The following SCAPER variants were observed in gnomAD, a reference collection of about 807,000 sequenced individuals.
SCAPER encodes the protein S phase cyclin A-associated protein in the endoplasmic reticulum.
SCAPER carries 98 observed loss-of-function variants against 182.2 expected under a neutral mutation model. That is an observed-to-expected ratio of 0.54 (90% CI 0.46 to 0.64). The LOEUF (loss-of-function observed/expected upper bound fraction) is 0.64, where lower values mean the gene tolerates loss of function less well. SCAPER is among the 30% of genes least tolerant of loss of function. SCAPER has a pLI of 0.00. For synonymous variants in SCAPER, 605 were observed against 564.6 expected (o/e 1.07, Z -1.01); for missense variants, 1,432 against 1,690.0 (o/e 0.85, Z 2.68).
chr15:76,803,323 C>T lies in SCAPER; in HGVS notation c.494+1210G>A, dbSNP rs76485912. On this transcript the variant is annotated intron_variant, in intron 6 of 31. Coordinates refer to ENST00000563290, the MANE Select transcript of SCAPER (RefSeq NM_020843.4). Reference sequence around the variant, plus strand: ...ATTACTCTTTTCTCTTTGTCTAACTCCTACTTAACAATTCTGTCTCAATTT... The same window carrying T: ...ATTACTCTTTTCTCTTTGTCTAACTTCTACTTAACAATTCTGTCTCAATTT... 3.6e-3 allele frequency among the ~76,000 whole-genome samples: 552 copies of T among 152,278 alleles called. 6 individuals carry two copies. The highest frequency in any genetic ancestry group is 0.013 in the African/African-American group (533 of 41,552).
At chr15:76,786,003 T>C (rs975250441) in intron 8 of SCAPER, among the ~76,000 whole-genome samples, 14 of 152,092 alleles carry the variant, frequency 9.2e-5, no homozygotes, top group African/African-American at 3.1e-4. Context: ...TGTGCACATG[T>C]ACCCTAGAAC....
chr15:76,434,179 A>T lies in SCAPER; in HGVS notation c.3210T>A (p.Asp1070Glu). 1 of 1,613,990 alleles carries T rather than the reference A, an allele frequency of 6.2e-7. No individual in the cohort carries two copies. Among genetic ancestry groups the T allele is most frequent in the Non-Finnish European group, 8.5e-7 (1 of 1,179,880 alleles). ...VLGCLIANRP[D>E]GNCQPATPKI... ...TTGGGGTAGCTGGCTGGCAGTTTCC[A>T]TCTGGTCGATTGGCAATCAGGCAGC... The change falls in exon 26 of 32, where the codon GAT becomes GAA. Residue 1070 changes from aspartate to glutamate, a missense_variant. Asp to Glu is a conservative substitution (Grantham distance 45). Transcript: ENST00000563290.
rs1029712087 is a variant in SCAPER, at chr15:76,462,785, T to C, written c.3078+8427A>G. Among the ~76,000 whole-genome samples the C allele has an allele frequency of 1.8e-4, 28 of 152,190 alleles. 1 individual carries two copies. Among genetic ancestry groups the C allele is most frequent in the African/African-American group, 6.8e-4 (28 of 41,438 alleles). ...TCTTTTACCAGCTGAATTCTGAATG[T>C]AGCTTTGAGAGTAAAGCTCTATACA... On this transcript the variant is annotated intron_variant, in intron 25 of 31. Transcript: ENST00000563290.
At chr15:76,471,102 T>TC in intron 25 of SCAPER, 110 bp downstream of exon 25, 1 of 771,198 alleles carries the variant, frequency 1.3e-6, no homozygotes, top group Non-Finnish European at 1.7e-6. Context: ...CTTCTTCTTT[T>TC]TTTTTTTTTT....
At chr15:76,477,200 A>G (rs1386303908) in intron 24 of SCAPER, among the ~76,000 whole-genome samples, 1 of 152,204 alleles carries the variant, frequency 6.6e-6, no homozygotes, top group Non-Finnish European at 1.5e-5. Context: ...CAAACTCTCC[A>G]AAGAATACAG....
chr15:76,563,260 T>C (rs1341881355), intron 23 of SCAPER, among the ~76,000 whole-genome samples: 1 of 152,194 alleles, frequency 6.6e-6, no homozygotes, highest in Non-Finnish European at 1.5e-5. Flanking sequence ...AGTATCTGTG[T>C]ACTGTATTAC....
At chr15:76,560,375 G>A (rs1421417218) in intron 23 of SCAPER, among the ~76,000 whole-genome samples, 2 of 152,170 alleles carry the variant, frequency 1.3e-5, no homozygotes, top group African/African-American at 4.8e-5. Flanking sequence ...GAAAGCCTGT[G>A]CTCTTAACAG....
chr15:76,754,239 G>A (rs1384911282), intron 14 of SCAPER, among the ~76,000 whole-genome samples: 1 of 151,946 alleles, frequency 6.6e-6, no homozygotes, highest in Non-Finnish European at 1.5e-5. Flanking sequence ...ATTATTTGAA[G>A]GTTCATAAAA....
intron 21 of SCAPER, among the ~76,000 whole-genome samples, chr15:76,658,606 C>G (rs1347693251): frequency 6.6e-6 from 1 of 152,116 alleles, no homozygotes; most frequent in African/African-American, 2.4e-5. Flanking sequence ...GTAGCCAGAG[C>G]AATCCTACGT....
chr15:76,543,699 C>G (rs2044993603), intron 23 of SCAPER, among the ~76,000 whole-genome samples: 1 of 152,146 alleles, frequency 6.6e-6, no homozygotes, highest in Non-Finnish European at 1.5e-5. Context: ...TGTGCCACAG[C>G]TGCAAGATAG....
chr15:76,668,922 C>T (rs1225013439), intron 20 of SCAPER, among the ~76,000 whole-genome samples: 1 of 152,248 alleles, frequency 6.6e-6, no homozygotes, highest in South Asian at 2.1e-4. Flanking sequence ...TCATTCATCT[C>T]GTCCTTACAA....
intron 22 of SCAPER, among the ~76,000 whole-genome samples, chr15:76,618,814 G>T (rs919321636): frequency 2.0e-5 from 3 of 152,146 alleles, no homozygotes; most frequent in Admixed American, 6.5e-5. Context: ...GAGAAAGAAA[G>T]TGATATACAA....
chr15:76,462,737 C>CT (rs1288510386), intron 25 of SCAPER, among the ~76,000 whole-genome samples: 1 of 152,118 alleles, frequency 6.6e-6, no homozygotes, highest in Admixed American at 6.6e-5. Context: ...GAAAGGCAAT[C>CT]TGAGTTAAAA....
chr15:76,612,048 C>T (rs1445074523), intron 22 of SCAPER, among the ~76,000 whole-genome samples: 2 of 152,178 alleles, frequency 1.3e-5, no homozygotes, highest in Non-Finnish European at 2.9e-5. Context: ...CAAGAATGCC[C>T]TCTCTCACCA....
chr15:76,795,108 G>A (rs2065234130), intron 8 of SCAPER, 172 bp downstream of exon 8: 2 of 557,088 alleles, frequency 3.6e-6, no homozygotes, highest in African/African-American at 1.9e-5. Flanking sequence ...GCTATCTACA[G>A]TGCTGAAAAG....
intron 24 of SCAPER, among the ~76,000 whole-genome samples, chr15:76,487,662 T>G (rs1260755030): frequency 3.3e-5 from 5 of 152,124 alleles, no homozygotes; most frequent in Non-Finnish European, 5.9e-5. Context: ...GCCCAATTTT[T>G]CTGTGAATCT....
chr15:76,730,618 G>C (rs12910081), intron 16 of SCAPER, among the ~76,000 whole-genome samples: 47,944 of 151,460 alleles, frequency 0.32, 7,874 homozygotes, highest in East Asian at 0.55. Flanking sequence ...CAATTTTTCT[G>C]AAGTTTAAAA....
chr15:76,652,272 AAATAT>A (rs1373018751), intron 21 of SCAPER, among the ~76,000 whole-genome samples: 2 of 15,766 alleles, frequency 1.3e-4, no homozygotes, highest in African/African-American at 2.5e-4. Flanking sequence ...AAAAAAAAAA[AAATAT>A]ATATATATAT....
At chr15:76,673,952 TACAC>T (rs71447120) in intron 20 of SCAPER, among the ~76,000 whole-genome samples, 31,210 of 146,274 alleles carry the variant, frequency 0.21, 3,663 homozygotes, top group South Asian at 0.36. Context: ...AATTTATCTA[TACAC>T]ACACACACAC....
Sources: allele counts gnomAD v4.1 joint callset (sites outside exome capture counted in the v4.1 genomes callset), GRCh38; gene constraint gnomAD v4.1.1; transcripts MANE v1.5; gene names NCBI Gene and HGNC (gene_info 2026-07-23, HGNC 2026-07-21).